The following NBDY variants were observed in gnomAD, a reference collection of about 807,000 sequenced individuals.
NBDY encodes the protein negative regulator of P-body association.
chrX:56,762,817 A>G (rs2069644702), intron 2 of NBDY, among the ~76,000 whole-genome samples: 1 of 111,219 alleles, frequency 9.0e-6, no homozygotes, highest in Non-Finnish European at 1.9e-5. Flanking sequence ...AGATACACAT[A>G]CACACACTCA....
At chrX:56,813,819 G>A (rs1050614796) in intron 2 of NBDY, among the ~76,000 whole-genome samples, 2 of 111,330 alleles carry the variant, frequency 1.8e-5, no homozygotes, top group Admixed American at 1.9e-4. Context: ...AGCTTTCTTG[G>A]TCAAACTGCT....
intron 2 of NBDY, among the ~76,000 whole-genome samples, chrX:56,738,254 A>G (rs1456554110): frequency 2.7e-5 from 3 of 111,503 alleles, no homozygotes; most frequent in African/African-American, 9.8e-5. Flanking sequence ...TATTCTCACA[A>G]CCCCACTTCT....
At chrX:56,807,940 T>C (rs1461828987) in intron 2 of NBDY, among the ~76,000 whole-genome samples, 1 of 112,102 alleles carries the variant, frequency 8.9e-6, no homozygotes, top group African/African-American at 3.2e-5. Context: ...CAGTATGATA[T>C]TGGCTGTGGG....
At chrX:56,734,355 A>G (rs2069475615) in intron 2 of NBDY, among the ~76,000 whole-genome samples, 1 of 112,130 alleles carries the variant, frequency 8.9e-6, no homozygotes, top group African/African-American at 3.2e-5. Context: ...ACAACAGTGA[A>G]CATAAGCCAG....
intron 2 of NBDY, among the ~76,000 whole-genome samples, chrX:56,816,499 C>A (rs997279564): frequency 9.0e-6 from 1 of 111,235 alleles, no homozygotes; most frequent in African/African-American, 3.3e-5. Context: ...TATTAAATAT[C>A]TTTCAACAGA....
chrX:56,764,130 C>T (rs562737617), intron 2 of NBDY, among the ~76,000 whole-genome samples: 2 of 112,200 alleles, frequency 1.8e-5, no homozygotes, highest in African/African-American at 3.2e-5. Context: ...AAAAAAAGGG[C>T]AGGTAGGGGC....
chrX:56,786,380 C>T (rs2069727966), intron 2 of NBDY, among the ~76,000 whole-genome samples: 2 of 111,909 alleles, frequency 1.8e-5, no homozygotes, highest in Admixed American at 1.9e-4. Flanking sequence ...TGTACATCAC[C>T]ATGCATTGAG....
At chrX:56,738,508 A>C (rs979521115) in intron 2 of NBDY, among the ~76,000 whole-genome samples, 4 of 112,222 alleles carry the variant, frequency 3.6e-5, no homozygotes, top group Admixed American at 1.9e-4. Flanking sequence ...TTTAGACATC[A>C]GTTTCAAATC....
chrX:56,780,563 C>G (rs1249977700), intron 2 of NBDY, among the ~76,000 whole-genome samples: 5 of 44,648 alleles, frequency 1.1e-4, no homozygotes, highest in South Asian at 1.5e-3. Context: ...ACAAATCTTC[C>G]TGGATGTGTA....
chrX:56,756,272 C>T (rs1277184590), intron 2 of NBDY, among the ~76,000 whole-genome samples: 2 of 107,608 alleles, frequency 1.9e-5, no homozygotes, highest in Non-Finnish European at 3.8e-5. Context: ...GCACATATAC[C>T]CTAAAACTTG....
At chrX:56,781,475 T>C (rs751142539) in intron 2 of NBDY, among the ~76,000 whole-genome samples, 10 of 111,716 alleles carry the variant, frequency 9.0e-5, no homozygotes, top group Non-Finnish European at 1.9e-4. Context: ...TATGCTTTCT[T>C]CTGGCTGGCG....
In NBDY at chrX:56,737,134, G is replaced by A. The variant is rs185346569; in HGVS notation, c.*166+4935G>A. ...TGGAATAACTCCAGCCATTACAATA[G>A]ACATTTATTTAAAGTAAAACATCTG... On this transcript the variant is annotated intron_variant, in intron 2 of 2. Coordinates refer to ENST00000374922, the MANE Select transcript of NBDY (RefSeq NM_001348129.2). The A allele has an allele frequency of 1.1e-4, 59 of 519,030 alleles. No homozygotes were observed. The African/African-American group carries it at 1.3e-3, about 11-fold the overall frequency. The allele number at this position is 519,030 out of a possible 1,213,427, so 42.8% of individuals were successfully genotyped here.
intron 2 of NBDY, among the ~76,000 whole-genome samples, chrX:56,736,483 C>G (rs1026404676): frequency 8.9e-6 from 1 of 111,857 alleles, no homozygotes; most frequent in African/African-American, 3.3e-5. Context: ...TCAGGCTGAT[C>G]TCAAATTCCT....
intron 2 of NBDY, among the ~76,000 whole-genome samples, chrX:56,793,199 A>T (rs1333169795): frequency 8.9e-6 from 1 of 112,142 alleles, no homozygotes; most frequent in Non-Finnish European, 1.9e-5. Flanking sequence ...TTCTGGGGAA[A>T]ATTGTTTTGT....
chrX:56,760,131 T>G (rs2069631085), intron 2 of NBDY, among the ~76,000 whole-genome samples: 1 of 112,976 alleles, frequency 8.9e-6, no homozygotes, highest in South Asian at 3.6e-4. Context: ...GAGGTCCCAA[T>G]GGCAGGTACA....
intron 2 of NBDY, among the ~76,000 whole-genome samples, chrX:56,760,633 G>A (rs768120105): frequency 3.5e-4 from 39 of 111,933 alleles, no homozygotes; most frequent in Admixed American, 1.4e-3. Flanking sequence ...GTGGTGAGCC[G>A]AGATTGCACC....
At chrX:56,783,044 C>T (rs892061303) in intron 2 of NBDY, among the ~76,000 whole-genome samples, 2 of 112,777 alleles carry the variant, frequency 1.8e-5, no homozygotes, top group Non-Finnish European at 3.7e-5. Context: ...TAAGCATTAT[C>T]GTACACAGAC....
intron 2 of NBDY, among the ~76,000 whole-genome samples, chrX:56,739,178 T>C (rs1276461436): frequency 2.0e-5 from 2 of 98,465 alleles, no homozygotes; most frequent in East Asian, 6.4e-4. Flanking sequence ...CAGAGAGAGA[T>C]TCTGTTTTGT....
chrX:56,804,570 C>T (rs935221958), intron 2 of NBDY, among the ~76,000 whole-genome samples: 1 of 112,538 alleles, frequency 8.9e-6, no homozygotes, highest in Non-Finnish European at 1.9e-5. Flanking sequence ...TGCTCACTTT[C>T]GCCTGGGCCT....
Sources: allele counts gnomAD v4.1 joint callset (sites outside exome capture counted in the v4.1 genomes callset), GRCh38; gene constraint gnomAD v4.1.1; transcripts MANE v1.5; gene names NCBI Gene and HGNC (gene_info 2026-07-23, HGNC 2026-07-21).